Variants in DPP10 observed in about 807,000 individuals in gnomAD.
DPP10 encodes inactive dipeptidyl peptidase 10.
A neutral mutation model predicts 120.9 loss-of-function variants in DPP10; 33 were observed. That is an observed-to-expected ratio of 0.27 (90% CI 0.21 to 0.37). DPP10 has a LOEUF of 0.37. DPP10 is among the 10% of genes least tolerant of loss of function. The pLI, the probability that DPP10 is intolerant of heterozygous loss-of-function variation, is 1.00. For synonymous variants in DPP10, 337 were observed against 326.1 expected (o/e 1.03, Z -0.36); for missense variants, 816 against 942.8 (o/e 0.87, Z 1.76).
intron 5 of DPP10, among the ~76,000 whole-genome samples, chr2:115,614,741 C>T (rs1400703708): frequency 6.6e-6 from 1 of 152,156 alleles, no homozygotes; most frequent in East Asian, 1.9e-4. Context: ...GCTAAGAGAC[C>T]TGCTAAAAGG....
intron 1 of DPP10, among the ~76,000 whole-genome samples, chr2:115,272,781 G>A (rs2059752337): frequency 6.6e-6 from 1 of 152,192 alleles, no homozygotes; most frequent in Admixed American, 6.5e-5. Flanking sequence ...GCTCACATTG[G>A]TGCTCTTTTT....
chr2:114,557,053 A>G (rs1688379819), intron 1 of DPP10, among the ~76,000 whole-genome samples: 1 of 145,404 alleles, frequency 6.9e-6, no homozygotes, highest in African/African-American at 2.6e-5. Context: ...GAAAAGTGCT[A>G]TTTGTTGGAT....
At chr2:115,456,657 G>A (rs960603458) in intron 3 of DPP10, among the ~76,000 whole-genome samples, 2 of 152,078 alleles carry the variant, frequency 1.3e-5, no homozygotes, top group Non-Finnish European at 2.9e-5. Context: ...CCTGTCCTTT[G>A]GAGGGACATG....
chr2:114,744,106 A>G (rs1004776143), intron 1 of DPP10, among the ~76,000 whole-genome samples: 20 of 152,334 alleles, frequency 1.3e-4, no homozygotes, highest in African/African-American at 4.8e-4. Context: ...GCACAATCAA[A>G]GCACAGAACA....
Position 115,712,540 on chromosome 2 carries a change from T to TTTTATATATATATATATATATATATATA in DPP10, c.577-15275_577-15274insTTATATATATATATATATATATATATAT, listed in dbSNP as rs778592374. Among the ~76,000 whole-genome samples the TTTTATATATATATATATATATATATATA allele has an allele frequency of 7.4e-3, 134 of 18,042 alleles. 4 individuals carry two copies. Among genetic ancestry groups the TTTTATATATATATATATATATATATATA allele is most frequent in the South Asian group, 0.046 (13 of 284 alleles). 11.8% of individuals were successfully genotyped at this position (18,042 alleles called of 152,430 possible). A position where few individuals can be genotyped will look rare whatever the true frequency, so the allele number is the denominator to read the frequency against. On this transcript the variant is annotated intron_variant, in intron 7 of 25. Transcript: ENST00000410059. ...AGAAATAGCTTTGAAGAGTCCTGAATTAAATATATATATATATATATATAT... is the reference window on the plus strand; with the variant it reads ...AGAAATAGCTTTGAAGAGTCCTGAATTTTATATATATATATATATATATATATATAAATATATATATATATATATATAT...
intron 3 of DPP10, among the ~76,000 whole-genome samples, chr2:115,381,208 G>A (rs1271081903): frequency 1.3e-5 from 2 of 152,092 alleles, no homozygotes; most frequent in Admixed American, 6.5e-5. Flanking sequence ...CGTAGATTTG[G>A]TCTTTTCCCT....
At chr2:114,558,449 C>T (rs912186569) in intron 1 of DPP10, among the ~76,000 whole-genome samples, 5 of 152,222 alleles carry the variant, frequency 3.3e-5, no homozygotes, top group African/African-American at 7.2e-5. Context: ...AGCACATTCT[C>T]GTCTTTCTGG....
Position 114,513,905 on chromosome 2 carries a change from A to T in DPP10, c.60+71067A>T, listed in dbSNP as rs548620941. Among the ~76,000 whole-genome samples, 53 of 152,326 alleles carry T rather than the reference A, an allele frequency of 3.5e-4. No homozygotes were observed. The East Asian group carries it at 4.8e-3, about 14-fold the overall frequency. ...CGCAGTGTTTTTGAAACTTTTAAGA[A>T]ATCAGCATAATTATTCCCCCCATTT... On this transcript the variant is annotated intron_variant, in intron 1 of 25. Transcript: ENST00000410059.
At chr2:114,865,779 A>G (rs1393388499) in intron 1 of DPP10, among the ~76,000 whole-genome samples, 1 of 152,114 alleles carries the variant, frequency 6.6e-6, no homozygotes, top group African/African-American at 2.4e-5. Flanking sequence ...GCCAATCTTG[A>G]TGTCTGCCCA....
At chr2:114,593,424 A>C (rs1235801177) in intron 1 of DPP10, among the ~76,000 whole-genome samples, 1 of 152,136 alleles carries the variant, frequency 6.6e-6, no homozygotes, top group East Asian at 1.9e-4. Context: ...AATAAGATGT[A>C]GACCTGAGGA....
At chr2:115,260,162 A>G (rs2059190882) in intron 1 of DPP10, among the ~76,000 whole-genome samples, 1 of 150,796 alleles carries the variant, frequency 6.6e-6, no homozygotes, top group South Asian at 2.1e-4. Context: ...TATATTATAT[A>G]TACATTAATT....
At chr2:114,458,960 G>A (rs758672128) in intron 1 of DPP10, among the ~76,000 whole-genome samples, 1 of 152,076 alleles carries the variant, frequency 6.6e-6, no homozygotes, top group Non-Finnish European at 1.5e-5. Flanking sequence ...AATATGAAAT[G>A]AATTACAAAG....
intron 2 of DPP10, among the ~76,000 whole-genome samples, chr2:115,320,537 T>A (rs1370235029): frequency 6.6e-6 from 1 of 152,030 alleles, no homozygotes; most frequent in African/African-American, 2.4e-5. Flanking sequence ...AATTCATATT[T>A]TAAATTTAGA....
At chr2:115,011,565 T>G (rs1702265831) in intron 1 of DPP10, among the ~76,000 whole-genome samples, 1 of 152,120 alleles carries the variant, frequency 6.6e-6, no homozygotes, top group African/African-American at 2.4e-5. Flanking sequence ...ACACAGCTTT[T>G]TGTTGTTGTT....
chr2:115,645,553 A>G (rs2087169854), intron 5 of DPP10, among the ~76,000 whole-genome samples: 1 of 152,178 alleles, frequency 6.6e-6, no homozygotes, highest in African/African-American at 2.4e-5. Flanking sequence ...AGTTATGAAT[A>G]GAAATAGTAA....
At chr2:115,095,426 G>C (rs1709637367) in intron 1 of DPP10, among the ~76,000 whole-genome samples, 1 of 152,108 alleles carries the variant, frequency 6.6e-6, no homozygotes, top group South Asian at 2.1e-4. Context: ...TGAGGGCAGT[G>C]GAGCTCACTC....
chr2:114,722,835 C>G (rs1295070476), intron 1 of DPP10, among the ~76,000 whole-genome samples: 1 of 150,202 alleles, frequency 6.7e-6, no homozygotes, highest in South Asian at 2.1e-4. Flanking sequence ...ACCTGTAAAG[C>G]CTTCTTTTTA....
intron 1 of DPP10, among the ~76,000 whole-genome samples, chr2:115,153,772 T>A (rs2051719342): frequency 6.6e-6 from 1 of 152,196 alleles, no homozygotes; most frequent in Non-Finnish European, 1.5e-5. Flanking sequence ...AAATACTTAT[T>A]TCTAAGATCT....
Position 115,768,219 on chromosome 2 carries a change from A to G in DPP10, c.1114-78A>G. On this transcript the variant is annotated intron_variant, in intron 12 of 25. Coordinates refer to ENST00000410059, the MANE Select transcript of DPP10 (RefSeq NM_020868.6). ...TATAAATCAATATTTGGTATAACCC[A>G]TGCAGGAATTAACAGTAGTAGGCAG... 4.9e-6 allele frequency: 6 copies of G among 1,212,986 alleles called. No homozygotes were observed. The South Asian group carries it at 5.3e-5, about 11-fold the overall frequency. 75.1% of individuals were successfully genotyped at this position (1,212,986 alleles called of 1,614,324 possible). A position where few individuals can be genotyped will look rare whatever the true frequency, so the allele number is the denominator to read the frequency against.
Sources: gnomAD v4.1 joint callset for allele counts (sites outside exome capture counted in the v4.1 genomes callset) on GRCh38, gnomAD v4.1.1 for gene constraint, MANE v1.5 for transcripts, NCBI Gene and HGNC (gene_info 2026-07-23, HGNC 2026-07-21) for gene names.